The following HS2ST1 variants were observed in gnomAD, a reference collection of about 807,000 sequenced individuals.
HS2ST1 encodes 2-O-sulfotransferase.
Under a neutral mutation model 42.9 loss-of-function variants are expected in HS2ST1, and 18 were observed. That is an observed-to-expected ratio of 0.42 (90% confidence interval 0.29 to 0.62). The LOEUF (loss-of-function observed/expected upper bound fraction) is 0.62. HS2ST1 is among the 20% of genes least tolerant of loss of function. The probability of loss-of-function intolerance (pLI) is 0.21; values close to 1 mark genes in which losing one functional copy is unlikely to be tolerated. For missense variants in HS2ST1, 334 were observed against 433.8 expected, an observed-to-expected ratio of 0.77 and a Z score of 2.04; for synonymous variants, 146 against 152.9, an observed-to-expected ratio of 0.95 and a Z score of 0.33.
At chr1:87,008,473 G>A (rs1205581416) in intron 1 of HS2ST1, among the ~76,000 whole-genome samples, 1 of 152,156 alleles carries the variant, frequency 6.6e-6, no homozygotes, top group Non-Finnish European at 1.5e-5. Context: ...CATAATTACT[G>A]AGCAACAATG....
Position 86,914,929 on chromosome 1 carries a change from C to T in HS2ST1, c.-108C>T. 3 of 1,419,898 alleles carry T rather than the reference C, an allele frequency of 2.1e-6. No individual in the cohort carries two copies. The highest frequency in any genetic ancestry group is 1.2e-5 in the South Asian group (1 of 85,106). The allele number at this position is 1,419,898 out of a possible 1,614,324, so 88.0% of individuals were successfully genotyped here. A position where few individuals can be genotyped will look rare whatever the true frequency, so the allele number is the denominator to read the frequency against. The stretch of plus-strand genomic sequence containing the variant: ...GCGGTGGTTCTCTCGCTGTCGCTCT[C>T]TCTTTGCCTCGCTCCCGGCTCGGCG... On this transcript the variant is annotated 5_prime_UTR_variant, in exon 1 of 7. Transcript: ENST00000370550.
chr1:86,915,758 G>A (rs1456145216), intron 1 of HS2ST1, among the ~76,000 whole-genome samples: 1 of 152,180 alleles, frequency 6.6e-6, no homozygotes, highest in African/African-American at 2.4e-5. Context: ...CGGGTAGTGC[G>A]GGAACGCGAG....
intron 1 of HS2ST1, chr1:86,956,576 C>A (rs528667697): frequency 6.6e-6 from 1 of 152,264 alleles, no homozygotes; most frequent in East Asian, 1.9e-4. Context: ...GTGAGAGGTA[C>A]TTTTTTTCTT....
At chr1:87,079,590 G>A (rs1322140575) in intron 2 of HS2ST1, among the ~76,000 whole-genome samples, 1 of 152,114 alleles carries the variant, frequency 6.6e-6, no homozygotes, top group African/African-American at 2.4e-5. Flanking sequence ...TTTTAAATCG[G>A]CCACAGCTAT....
At chr1:86,953,162 T>C (rs1647573095) in intron 1 of HS2ST1, among the ~76,000 whole-genome samples, 1 of 152,244 alleles carries the variant, frequency 6.6e-6, no homozygotes, top group African/African-American at 2.4e-5. Context: ...CTGTACTAGC[T>C]TCATACTTTA....
intron 1 of HS2ST1, among the ~76,000 whole-genome samples, chr1:87,033,688 G>A (rs1374448314): frequency 6.6e-6 from 1 of 151,916 alleles, no homozygotes; most frequent in Non-Finnish European, 1.5e-5. Flanking sequence ...GATTACAGGC[G>A]CCTGCCACCA....
chr1:87,082,473 A>G (rs1651719658), intron 2 of HS2ST1, among the ~76,000 whole-genome samples: 1 of 152,168 alleles, frequency 6.6e-6, no homozygotes, highest in African/African-American at 2.4e-5. Flanking sequence ...CCATGTCCAC[A>G]TTAAATCTCA....
At chr1:86,952,791 T>C (rs544274070) in intron 1 of HS2ST1, among the ~76,000 whole-genome samples, 1 of 152,312 alleles carries the variant, frequency 6.6e-6, no homozygotes, top group South Asian at 2.1e-4. Flanking sequence ...AGCTAGTCTT[T>C]GTTGTCCCAT....
chr1:87,098,283 A>G lies in HS2ST1; in HGVS notation c.686+348A>G, dbSNP rs1477572297. The G allele has an allele frequency of 4.0e-6, 4 of 1,000,784 alleles. No individual in the cohort carries two copies. In the East Asian group the frequency reaches 4.2e-4, roughly 106 times the overall value. The allele number at this position is 1,000,784 out of a possible 1,614,324, so 62.0% of individuals were successfully genotyped here. On this transcript the variant is annotated intron_variant, in intron 5 of 6. Transcript: ENST00000370550. ...CCAAAGCTTACTGTTTTAGCTATTC[A>G]TGTTAAATTAAGAAAAGGCTTAGTG...
At chr1:87,073,682 T>C (rs1490164858) in intron 2 of HS2ST1, among the ~76,000 whole-genome samples, 1 of 152,182 alleles carries the variant, frequency 6.6e-6, no homozygotes, top group African/African-American at 2.4e-5. Flanking sequence ...TCACGAAGTT[T>C]TAGATAAACA....
In HS2ST1 at chr1:86,959,396, G is replaced by A. The variant is rs538649072; in HGVS notation, c.124+44236G>A. On this transcript the variant is annotated intron_variant, in intron 1 of 6. Transcript: ENST00000370550. ...TAGCAGGTTGGGTGCAGTGGCTCAC[G>A]CCTGTAATCCCAGCACTTTGGGAGG... Among the ~76,000 whole-genome samples the A allele has an allele frequency of 6.6e-5, 10 of 152,320 alleles. No homozygotes were observed. The South Asian group carries it at 2.1e-3, about 32-fold the overall frequency.
intron 1 of HS2ST1, among the ~76,000 whole-genome samples, chr1:87,016,357 C>G (rs901643533): frequency 6.6e-6 from 1 of 152,142 alleles, no homozygotes; most frequent in African/African-American, 2.4e-5. Flanking sequence ...TGGGAGACAT[C>G]AGTTTTGGAG....
At chr1:86,949,688 A>T (rs1020902007) in intron 1 of HS2ST1, among the ~76,000 whole-genome samples, 3 of 152,220 alleles carry the variant, frequency 2.0e-5, no homozygotes, top group African/African-American at 7.2e-5. Context: ...ACCACGTTTC[A>T]AGTGCTCAAA....
chr1:86,977,158 A>G (rs1435477640), intron 1 of HS2ST1, among the ~76,000 whole-genome samples: 2 of 152,198 alleles, frequency 1.3e-5, no homozygotes. Context: ...TCTTAAAAGG[A>G]AGAATATTAG....
At chr1:87,047,029 A>G (rs1318789139) in intron 1 of HS2ST1, among the ~76,000 whole-genome samples, 1 of 151,888 alleles carries the variant, frequency 6.6e-6, no homozygotes, top group Non-Finnish European at 1.5e-5. Flanking sequence ...CTTTTTAAGA[A>G]ATTGTCCAAC....
chr1:87,021,307 A>G (rs1370419497), intron 1 of HS2ST1, among the ~76,000 whole-genome samples: 2 of 152,168 alleles, frequency 1.3e-5, no homozygotes, highest in African/African-American at 4.8e-5. Context: ...CAGAATCCAT[A>G]CAGTATTCAT....
At chr1:87,063,757 T>C (rs1006171707) in intron 1 of HS2ST1, among the ~76,000 whole-genome samples, 2 of 152,212 alleles carry the variant, frequency 1.3e-5, no homozygotes, top group African/African-American at 2.4e-5. Context: ...CGTGGCTGCT[T>C]TAAGTCTTTG....
chr1:87,090,734 A>G (rs1651920157), intron 3 of HS2ST1, among the ~76,000 whole-genome samples: 1 of 151,900 alleles, frequency 6.6e-6, no homozygotes. Flanking sequence ...TAGAAGACCC[A>G]CACAGTCTGC....
chr1:87,073,787 A>G (rs1171891838), intron 2 of HS2ST1, among the ~76,000 whole-genome samples: 5 of 152,234 alleles, frequency 3.3e-5, no homozygotes, highest in Non-Finnish European at 4.4e-5. Flanking sequence ...GTAGTAGCAT[A>G]CATTTCTCCC....
Sources: allele counts gnomAD v4.1 joint callset (sites outside exome capture counted in the v4.1 genomes callset), GRCh38; gene constraint gnomAD v4.1.1; transcripts MANE v1.5; gene names NCBI Gene and HGNC (gene_info 2026-07-23, HGNC 2026-07-21).